PDE3B: variants seen among roughly 807,000 people sequenced by gnomAD.
The protein encoded by PDE3B is cGMP-inhibited 3',5'-cyclic phosphodiesterase 3B.
In PDE3B, 66 loss-of-function variants were observed where a neutral mutation model predicts 116.8. That is an observed-to-expected ratio of 0.56 (90% CI 0.46 to 0.69). The LOEUF (loss-of-function observed/expected upper bound fraction) is 0.69, where lower values mean the gene tolerates loss of function less well. PDE3B is among the 30% of genes least tolerant of loss of function. The pLI is 0.00. For synonymous variants in PDE3B, 595 were observed against 533.6 expected (o/e 1.12, Z -1.59); for missense variants, 1,384 against 1,368.1 (o/e 1.01, Z -0.18).
At chr11:14,721,550 T>G (rs1856082602) in intron 1 of PDE3B, among the ~76,000 whole-genome samples, 1 of 151,110 alleles carries the variant, frequency 6.6e-6, no homozygotes, top group Non-Finnish European at 1.5e-5. Flanking sequence ...ATAGACTGGA[T>G]GAAGAAAATG....
chr11:14,717,356 A>T (rs1481363293), intron 1 of PDE3B, among the ~76,000 whole-genome samples: 6 of 115,700 alleles, frequency 5.2e-5, no homozygotes, highest in Non-Finnish European at 5.2e-5. Context: ...GCAGGATATT[A>T]TCCAGGAGAA....
intron 1 of PDE3B, among the ~76,000 whole-genome samples, chr11:14,742,841 G>C (rs1222957385): frequency 2.0e-5 from 3 of 152,022 alleles, no homozygotes; most frequent in Admixed American, 2.0e-4. Context: ...AGGTCTGCTG[G>C]AGTTTGCTGG....
At chr11:14,689,057 G>A (rs1854972520) in intron 1 of PDE3B, among the ~76,000 whole-genome samples, 1 of 152,202 alleles carries the variant, frequency 6.6e-6, no homozygotes, top group South Asian at 2.1e-4. Flanking sequence ...ACAGGCCTGA[G>A]CCACTGTATG....
chr11:14,812,584 A>T (rs1245648578), intron 5 of PDE3B, among the ~76,000 whole-genome samples: 1 of 152,228 alleles, frequency 6.6e-6, no homozygotes, highest in Non-Finnish European at 1.5e-5. Flanking sequence ...AAAAGAAAGA[A>T]GAAAACATGA....
chr11:14,814,570 G>A (rs1299823425), intron 5 of PDE3B, among the ~76,000 whole-genome samples: 1 of 151,916 alleles, frequency 6.6e-6, no homozygotes, highest in Non-Finnish European at 1.5e-5. Flanking sequence ...ATAACTTCAG[G>A]GAAAAATTTC....
chr11:14,827,323 A>G lies in PDE3B; in HGVS notation c.1808-3375A>G, dbSNP rs960946183. ...AGTATTGGAAGTCTTGACCACAGTA[A>G]TCAGGAAAGAGAAAGAAATAAAGGG... On this transcript the variant is annotated intron_variant, in intron 7 of 15. Transcript: ENST00000282096. Among the ~76,000 whole-genome samples the G allele has an allele frequency of 3.3e-5, 5 of 152,308 alleles. No individual in the cohort carries two copies. The South Asian group carries it at 1.0e-3, about 32-fold the overall frequency.
At chr11:14,719,013 A>G (rs1389346376) in intron 1 of PDE3B, among the ~76,000 whole-genome samples, 1 of 117,298 alleles carries the variant, frequency 8.5e-6, no homozygotes, top group African/African-American at 3.4e-5. Flanking sequence ...AACAAAATTG[A>G]TAGACTGCTA....
At chr11:14,855,367 C>T (rs1195438228) in intron 12 of PDE3B, among the ~76,000 whole-genome samples, 1 of 151,568 alleles carries the variant, frequency 6.6e-6, no homozygotes, top group Non-Finnish European at 1.5e-5. Context: ...AAAGAATTCC[C>T]GAGAAGATGA....
intron 2 of PDE3B, among the ~76,000 whole-genome samples, chr11:14,781,786 A>G (rs1406027639): frequency 1.3e-5 from 2 of 152,210 alleles, no homozygotes; most frequent in Non-Finnish European, 2.9e-5. Flanking sequence ...ACTCCTGTTC[A>G]ACATAGTGTT....
At chr11:14,757,358 G>T (rs893141037) in intron 1 of PDE3B, among the ~76,000 whole-genome samples, 2 of 149,326 alleles carry the variant, frequency 1.3e-5, no homozygotes, top group African/African-American at 5.0e-5. Context: ...TCTAGTTCTA[G>T]ATCCCTGAGG....
chr11:14,774,153 C>T (rs1425405132), intron 2 of PDE3B: 1 of 152,164 alleles, frequency 6.6e-6, no homozygotes, highest in Non-Finnish European at 1.5e-5. Flanking sequence ...CTTTTATGCC[C>T]TGGCTGTTTG....
intron 8 of PDE3B, among the ~76,000 whole-genome samples, chr11:14,831,311 T>C (rs1237422465): frequency 1.3e-5 from 2 of 151,720 alleles, no homozygotes; most frequent in African/African-American, 4.8e-5. Flanking sequence ...TGGTTTTTTT[T>C]CCTCTTACCC....
At chr11:14,678,255 GT>G (rs1250043569) in intron 1 of PDE3B, among the ~76,000 whole-genome samples, 6 of 149,874 alleles carry the variant, frequency 4.0e-5, no homozygotes, top group South Asian at 2.1e-4. Context: ...GAATATTTAG[GT>G]TTTTTTTTTC....
At chr11:14,767,412 G>A (rs1350302630) in intron 1 of PDE3B, among the ~76,000 whole-genome samples, 4 of 151,292 alleles carry the variant, frequency 2.6e-5, no homozygotes, top group Non-Finnish European at 5.9e-5. Context: ...TATATTGTTT[G>A]CATTAGAGTC....
rs770684084 is a variant in PDE3B at position 14,818,221 on chromosome 11, C to A, written c.1561C>A (p.His521Asn). The change falls in exon 6 of 16, where the codon CAT becomes AAT. Residue 521 changes from histidine to asparagine, a missense_variant. His to Asn is a moderately conservative substitution (Grantham distance 68). This residue lies in a region of PDE3B where 956 missense variants were observed against 806.8 expected (regional missense o/e 1.18). Coordinates refer to ENST00000282096, the MANE Select transcript of PDE3B (RefSeq NM_000922.4). ...TCTGAGTCCTGTGAATTCTTCCAAC[C>A]ATGGACCAGTGTCTACTGGCTCTCT... ...SSLSPVNSSN[H>N]GPVSTGSLTN... 1 of 1,613,418 alleles carries A rather than the reference C, an allele frequency of 6.2e-7. No homozygotes were observed. The highest frequency in any genetic ancestry group is 1.1e-5 in the South Asian group (1 of 91,050).
chr11:14,700,004 T>A (rs551657990), intron 1 of PDE3B, among the ~76,000 whole-genome samples: 1 of 151,868 alleles, frequency 6.6e-6, no homozygotes, highest in Admixed American at 6.6e-5. Context: ...TATATATGGC[T>A]CCGACAGTAG....
chr11:14,740,171 G>T (rs1856721706), intron 1 of PDE3B, among the ~76,000 whole-genome samples: 1 of 152,124 alleles, frequency 6.6e-6, no homozygotes, highest in Admixed American at 6.6e-5. Flanking sequence ...GTTTCAGAAG[G>T]AATGGCACCA....
At chr11:14,889,994 T>C in the PDE3B span, among the ~76,000 whole-genome samples, 1 of 152,026 alleles carries the variant, frequency 6.6e-6, no homozygotes, top group Non-Finnish European at 1.5e-5. Flanking sequence ...CCGGGCGTGG[T>C]GGCGAGCACC....
intron 1 of PDE3B, among the ~76,000 whole-genome samples, chr11:14,653,207 C>T (rs972327461): frequency 1.3e-5 from 2 of 151,620 alleles, no homozygotes; most frequent in Admixed American, 1.3e-4. Context: ...GTTTTTGATC[C>T]CTAAAATTAG....
Sources: allele counts gnomAD v4.1 joint callset (sites outside exome capture counted in the v4.1 genomes callset), GRCh38; gene constraint gnomAD v4.1.1; regional missense constraint gnomAD v4.1.1; transcripts MANE v1.5; gene names NCBI Gene and HGNC (gene_info 2026-07-23, HGNC 2026-07-21).